The following GRIK2 variants were observed in gnomAD, a reference collection of about 807,000 sequenced individuals.
The protein encoded by GRIK2 is glutamate receptor ionotropic, kainate 2.
In GRIK2, 32 loss-of-function variants were observed where a neutral mutation model predicts 100.3. The observed-to-expected ratio is 0.32, with a 90% CI of 0.24 to 0.43. The LOEUF is 0.43. GRIK2 is among the 20% of genes least tolerant of loss of function. The probability of loss-of-function intolerance (pLI) is 1.00; values close to 1 mark genes in which losing one functional copy is unlikely to be tolerated. For missense variants in GRIK2, 843 were observed against 1,114.9 expected, an observed-to-expected ratio of 0.76 and a Z score of 3.47; for synonymous variants, 417 against 389.4, an observed-to-expected ratio of 1.07 and a Z score of -0.83.
intron 7 of GRIK2, among the ~76,000 whole-genome samples, chr6:101,757,901 G>A (rs931573944): frequency 2.0e-5 from 3 of 152,166 alleles, no homozygotes; most frequent in African/African-American, 7.2e-5. Flanking sequence ...ATTGATATCT[G>A]AATTATAAAT....
At chr6:101,715,560 C>G (rs559520527) in intron 7 of GRIK2, among the ~76,000 whole-genome samples, 7 of 151,766 alleles carry the variant, frequency 4.6e-5, no homozygotes, top group Non-Finnish European at 1.0e-4. Context: ...ACTTAAAGAT[C>G]AAACCAACAT....
chr6:102,010,202 A>G (rs1350374928), intron 14 of GRIK2, among the ~76,000 whole-genome samples: 1 of 151,970 alleles, frequency 6.6e-6, no homozygotes, highest in Admixed American at 6.6e-5. Context: ...TTATCACCCA[A>G]TGTCCATAGT....
intron 7 of GRIK2, among the ~76,000 whole-genome samples, chr6:101,713,618 T>G (rs1240350546): frequency 1.3e-5 from 2 of 151,824 alleles, no homozygotes; most frequent in Non-Finnish European, 2.9e-5. Flanking sequence ...ACATTTCCAT[T>G]CCAGCTCAGT....
In GRIK2 at chr6:101,409,065, T is replaced by C. The variant is rs184191062; in HGVS notation, c.115+9673T>C. On this transcript the variant is annotated intron_variant, in intron 2 of 16. Coordinates refer to ENST00000369134, the MANE Select transcript of GRIK2 (RefSeq NM_021956.5). The stretch of plus-strand genomic sequence containing the variant: ...TGCCCCCAAGGAATTCTCAATGTTT[T>C]ATGTTTAGTTCCAAGACATTTCTAT... Among the ~76,000 whole-genome samples, 3 of 152,106 alleles carry C rather than the reference T, an allele frequency of 2.0e-5. No individual in the cohort carries two copies. In the East Asian group the frequency reaches 5.8e-4, roughly 29 times the overall value.
intron 4 of GRIK2, among the ~76,000 whole-genome samples, chr6:101,627,117 C>CTGTGTA (rs1780497665): frequency 6.9e-6 from 1 of 144,962 alleles, no homozygotes; most frequent in Non-Finnish European, 1.5e-5. Flanking sequence ...GTGTGTGTCT[C>CTGTGTA]TGTGTGTGTG....
In GRIK2 at chr6:101,799,762, G is replaced by C. The variant is rs1360149320; in HGVS notation, c.1066G>C (p.Gly356Arg). ...QCNRHKPWRFGTRFMSLIKEA... is the reference protein window; with the variant it reads ...QCNRHKPWRFRTRFMSLIKEA... The stretch of plus-strand genomic sequence containing the variant: ...TAATCGACATAAACCCTGGCGCTTC[G>C]GGACCCGCTTTATGAGTCTAATTAA... The change falls in exon 8 of 17, where the codon GGG (glycine) becomes CGG (arginine). Residue 356 changes from glycine (G) to arginine (R), a missense_variant. Gly to Arg is a moderately radical substitution (Grantham distance 125). Transcript: ENST00000369134. The C allele has an allele frequency of 6.2e-7, 1 of 1,613,510 alleles. No individual in the cohort carries two copies. Among genetic ancestry groups the C allele is most frequent in the South Asian group, 1.1e-5 (1 of 91,062 alleles).
chr6:101,998,511 TTG>T lies in GRIK2; in HGVS notation c.2086-36826_2086-36825del, dbSNP rs1419284184. On this transcript the variant is annotated intron_variant, in intron 14 of 16. Coordinates refer to ENST00000369134, the MANE Select transcript of GRIK2 (RefSeq NM_021956.5). ...TGTAGGGTTTTTTTGCTGTTTCGGA[TTG>T]TGTTTTTGTTGTCTTATTTAGGAAA... Among the ~76,000 whole-genome samples, 24 of 152,176 alleles carry T rather than the reference TTG, an allele frequency of 1.6e-4. No homozygotes were observed. The South Asian group carries it at 3.9e-3, about 25-fold the overall frequency.
At chr6:101,605,365 G>C (rs1582812245) in intron 2 of GRIK2, among the ~76,000 whole-genome samples, 1 of 151,914 alleles carries the variant, frequency 6.6e-6, no homozygotes, top group Non-Finnish European at 1.5e-5. Flanking sequence ...GGATTCATTA[G>C]TTCTTCTGTA....
chr6:102,041,677 C>T (rs2114453458), intron 15 of GRIK2, among the ~76,000 whole-genome samples: 1 of 151,460 alleles, frequency 6.6e-6, no homozygotes, highest in African/African-American at 2.4e-5. Context: ...TAACCATGTT[C>T]ACATAATTGG....
At chr6:101,876,581 A>G (rs1314272029) in intron 11 of GRIK2, among the ~76,000 whole-genome samples, 2 of 151,750 alleles carry the variant, frequency 1.3e-5, no homozygotes, top group African/African-American at 4.8e-5. Flanking sequence ...GAGGCCTGTC[A>G]CCATTGTTGG....
intron 2 of GRIK2, among the ~76,000 whole-genome samples, chr6:101,455,873 A>G (rs893837124): frequency 6.6e-6 from 1 of 152,128 alleles, no homozygotes; most frequent in Non-Finnish European, 1.5e-5. Flanking sequence ...GTACTATAGT[A>G]TCTCCGATGG....
intron 2 of GRIK2, among the ~76,000 whole-genome samples, chr6:101,418,880 G>C (rs1776280198): frequency 6.6e-6 from 1 of 152,132 alleles, no homozygotes; most frequent in African/African-American, 2.4e-5. Context: ...TTATTTGAAA[G>C]CCCCAGTAGC....
intron 4 of GRIK2, among the ~76,000 whole-genome samples, chr6:101,668,285 C>T (rs1013918518): frequency 3.9e-5 from 6 of 152,126 alleles, no homozygotes; most frequent in Admixed American, 3.9e-4. Flanking sequence ...ATCCGCATCA[C>T]CACCCACCTC....
intron 11 of GRIK2, chr6:101,860,917 A>G (rs1489224909): frequency 3.3e-6 from 3 of 917,742 alleles, no homozygotes; most frequent in South Asian, 5.0e-5. Context: ...TTTCTGAGGC[A>G]TTAGGTATTG....
At chr6:101,463,314 T>G (rs1337907688) in intron 2 of GRIK2, among the ~76,000 whole-genome samples, 1 of 152,210 alleles carries the variant, frequency 6.6e-6, no homozygotes, top group African/African-American at 2.4e-5. Context: ...ACAATATTAC[T>G]TAATAAATGC....
intron 7 of GRIK2, among the ~76,000 whole-genome samples, chr6:101,798,021 G>A (rs1163477169): frequency 6.8e-6 from 1 of 147,812 alleles, no homozygotes; most frequent in African/African-American, 2.5e-5. Context: ...CCCTATTTTG[G>A]TCATTCAGTA....
At chr6:101,822,834 G>T (rs1782042026) in intron 10 of GRIK2, among the ~76,000 whole-genome samples, 1 of 151,960 alleles carries the variant, frequency 6.6e-6, no homozygotes, top group South Asian at 2.1e-4. Context: ...TAGTTGTAGG[G>T]TTTCAACCAA....
chr6:101,523,720 CTT>C (rs1163558120), intron 2 of GRIK2, among the ~76,000 whole-genome samples: 1,361 of 121,440 alleles, frequency 0.011, 11 homozygotes, highest in Admixed American at 0.018. Context: ...ACTCCTAAGT[CTT>C]TTTTTTTTTT....
intron 15 of GRIK2, among the ~76,000 whole-genome samples, chr6:102,043,886 GT>G (rs1469177489): frequency 2.0e-5 from 3 of 151,952 alleles, no homozygotes; most frequent in Non-Finnish European, 4.4e-5. Flanking sequence ...TTTATAAGGA[GT>G]TTTCACTTTT....
Sources: allele counts gnomAD v4.1 joint callset (sites outside exome capture counted in the v4.1 genomes callset), GRCh38; gene constraint gnomAD v4.1.1; transcripts MANE v1.5; gene names NCBI Gene and HGNC (gene_info 2026-07-23, HGNC 2026-07-21).